OPRM1: variants seen among roughly 807,000 people sequenced by gnomAD.
The protein encoded by OPRM1 is opioid receptor mu 1.
Under a neutral mutation model 31.8 loss-of-function variants are expected in OPRM1, and 27 were observed. That is an observed-to-expected ratio of 0.85 (90% CI 0.63 to 1.17). OPRM1 has a LOEUF of 1.17. Among genes scored for constraint, OPRM1 ranks in the 50% most tolerant of loss-of-function variants. The probability of loss-of-function intolerance (pLI) is 0.00; values close to 1 mark genes in which losing one functional copy is unlikely to be tolerated. For missense variants in OPRM1, 536 were observed against 511.1 expected (o/e 1.05, Z -0.47); for synonymous variants, 196 against 189.9 (o/e 1.03, Z -0.26).
Position 154,243,060 on chromosome 6 carries a change from G to C in OPRM1, c.1165-3633G>C, listed in dbSNP as rs1001508624. Among the ~76,000 whole-genome samples, 14 of 152,202 alleles carry C rather than the reference G, an allele frequency of 9.2e-5. No homozygotes were observed. In the South Asian group the frequency reaches 2.1e-3, roughly 22 times the overall value. ...TAGGAGAAAGACTTCAGGGCATGGAGACAGAGTTTTCTGAGCAGAGAAACA... is the reference window on the plus strand; with the variant it reads ...TAGGAGAAAGACTTCAGGGCATGGACACAGAGTTTTCTGAGCAGAGAAACA... On this transcript the variant is annotated intron_variant, in intron 3 of 3. Coordinates refer to the OPRM1 transcript ENST00000337049.
chr6:154,163,571 C>A (rs554469608), intron 3 of OPRM1, among the ~76,000 whole-genome samples: 5 of 152,244 alleles, frequency 3.3e-5, no homozygotes, highest in African/African-American at 1.2e-4. Flanking sequence ...GGAAGGCAGG[C>A]CTTTTTATCT....
intron 3 of OPRM1, among the ~76,000 whole-genome samples, chr6:154,194,282 C>T (rs548552431): frequency 1.3e-5 from 2 of 152,262 alleles, no homozygotes; most frequent in East Asian, 3.9e-4. Flanking sequence ...GCCTGTAATC[C>T]CAGCTACTTG....
intron 3 of OPRM1, among the ~76,000 whole-genome samples, chr6:154,140,792 C>A (rs1392373626): frequency 2.0e-5 from 3 of 152,190 alleles, no homozygotes. Context: ...GAGAAGGCAC[C>A]CTTTCTGCAA....
chr6:154,167,574 G>A (rs995645238), intron 3 of OPRM1, among the ~76,000 whole-genome samples: 6 of 152,250 alleles, frequency 3.9e-5, no homozygotes, highest in African/African-American at 1.2e-4. Flanking sequence ...GATGATCTCT[G>A]TCTCTCATCA....
chr6:154,011,291 A>C (rs2128374423), intron 1 of OPRM1, among the ~76,000 whole-genome samples: 1 of 152,232 alleles, frequency 6.6e-6, no homozygotes, highest in Admixed American at 6.5e-5. Context: ...GTTTTATAGA[A>C]ATTATTTCGG....
chr6:154,166,402 G>A (rs940265395), intron 3 of OPRM1, among the ~76,000 whole-genome samples: 1 of 152,202 alleles, frequency 6.6e-6, no homozygotes, highest in Non-Finnish European at 1.5e-5. Flanking sequence ...AACTGCACAT[G>A]CTCTCCGCGG....
chr6:154,053,337 C>A (rs990462334), intron 1 of OPRM1, among the ~76,000 whole-genome samples: 4 of 152,144 alleles, frequency 2.6e-5, no homozygotes, highest in African/African-American at 9.7e-5. Context: ...CACCTGCCAC[C>A]CTGCACCCAC....
chr6:154,102,244 A>G (rs1260734968), intron 3 of OPRM1, among the ~76,000 whole-genome samples: 2 of 152,154 alleles, frequency 1.3e-5, no homozygotes, highest in African/African-American at 4.8e-5. Flanking sequence ...ATGGCCCCAG[A>G]TCATACTACT....
intron 3 of OPRM1, among the ~76,000 whole-genome samples, chr6:154,233,521 T>A (rs775499514): frequency 2.0e-5 from 3 of 151,984 alleles, no homozygotes; most frequent in African/African-American, 7.2e-5. Context: ...GAAATAGATA[T>A]TCTACATAGA....
At chr6:154,223,778 C>G (rs1779044858) in intron 3 of OPRM1, among the ~76,000 whole-genome samples, 1 of 152,210 alleles carries the variant, frequency 6.6e-6, no homozygotes, top group African/African-American at 2.4e-5. Context: ...AGTCACTCAA[C>G]AAACATTATT....
intron 1 of OPRM1, among the ~76,000 whole-genome samples, chr6:154,043,114 C>T (rs767090020): frequency 6.6e-6 from 1 of 152,098 alleles, no homozygotes; most frequent in Non-Finnish European, 1.5e-5. Flanking sequence ...ATGGTATGTA[C>T]AGACACTGTT....
chr6:154,036,819 T>A (rs1271255127), upstream of OPRM1, among the ~76,000 whole-genome samples: 1 of 151,940 alleles, frequency 6.6e-6, no homozygotes, highest in Non-Finnish European at 1.5e-5. Flanking sequence ...ATGCTAATCA[T>A]TTTTTCAACT....
chr6:154,180,512 T>C (rs1800779660), intron 3 of OPRM1, among the ~76,000 whole-genome samples: 1 of 151,788 alleles, frequency 6.6e-6, no homozygotes, highest in Non-Finnish European at 1.5e-5. Context: ...TCCAAGACCC[T>C]GCCAAATGAA....
chr6:154,229,903 A>C (rs1044853480), intron 3 of OPRM1, among the ~76,000 whole-genome samples: 2 of 152,240 alleles, frequency 1.3e-5, no homozygotes, highest in Non-Finnish European at 2.9e-5. Context: ...CAAACCAGTG[A>C]CGCTTGCTGA....
At chr6:154,185,262 C>G (rs752694086) in intron 3 of OPRM1, among the ~76,000 whole-genome samples, 2 of 152,208 alleles carry the variant, frequency 1.3e-5, no homozygotes, top group Non-Finnish European at 2.9e-5. Context: ...TTCCAGGGAG[C>G]AGCTATAGAC....
At chr6:154,196,050 A>C (rs1018537962) in intron 3 of OPRM1, among the ~76,000 whole-genome samples, 1 of 152,110 alleles carries the variant, frequency 6.6e-6, no homozygotes, top group African/African-American at 2.4e-5. Context: ...TCGGCCTCAC[A>C]AAGTGCTGGG....
intron 1 of OPRM1, among the ~76,000 whole-genome samples, chr6:154,022,895 GT>G (rs1361237284): frequency 1.3e-5 from 2 of 151,030 alleles, no homozygotes; most frequent in Non-Finnish European, 3.0e-5. Flanking sequence ...TCTCTATTCT[GT>G]TCCACTGGTC....
chr6:154,070,252 G>C (rs1786387890), intron 1 of OPRM1, among the ~76,000 whole-genome samples: 1 of 152,192 alleles, frequency 6.6e-6, no homozygotes, highest in African/African-American at 2.4e-5. Context: ...AAAACTGTTA[G>C]CCAGGTAAGA....
chr6:154,240,578 A>C (rs1046633678), intron 3 of OPRM1, among the ~76,000 whole-genome samples: 1 of 152,218 alleles, frequency 6.6e-6, no homozygotes, highest in Non-Finnish European at 1.5e-5. Context: ...TGTCTCATGA[A>C]AAGAGAAAAT....
Sources: allele counts gnomAD v4.1 joint callset (sites outside exome capture counted in the v4.1 genomes callset), GRCh38; gene constraint gnomAD v4.1.1; transcripts MANE v1.5; gene names NCBI Gene and HGNC (gene_info 2026-07-23, HGNC 2026-07-21).